SEPTIN7: variants seen among roughly 807,000 people sequenced by gnomAD.
SEPTIN7 encodes the protein septin 7.
In SEPTIN7, 10 loss-of-function variants were observed where a neutral mutation model predicts 63.3. That is an observed-to-expected ratio of 0.16 (90% CI 0.10 to 0.27). The LOEUF (loss-of-function observed/expected upper bound fraction) is 0.27. Among genes scored for constraint, SEPTIN7 ranks in the 10% least tolerant of loss-of-function variants. SEPTIN7 has a pLI of 1.00. For missense variants in SEPTIN7, 310 were observed against 521.0 expected (o/e 0.59, Z 3.94); for synonymous variants, 131 against 165.3 (o/e 0.79, Z 1.59).
chr7:35,809,944 G>T (rs1305976200), intron 1 of SEPTIN7, among the ~76,000 whole-genome samples: 1 of 152,170 alleles, frequency 6.6e-6, no homozygotes, highest in Non-Finnish European at 1.5e-5. Flanking sequence ...ACATGAGGGG[G>T]ATGGTTGTAA....
In SEPTIN7 at chr7:35,890,729, A is replaced by G. The variant is rs1583635101; in HGVS notation, c.934A>G (p.Arg312Gly). The G allele has an allele frequency of 1.9e-6, 3 of 1,601,318 alleles. No homozygotes were observed. Among genetic ancestry groups the G allele is most frequent in the Non-Finnish European group, 2.6e-6 (3 of 1,175,578 alleles). Reference protein sequence around the residue: ...NNVHYENYRSRKLAAVTYNGV... With the variant: ...NNVHYENYRSGKLAAVTYNGV... ...TGTCCACTATGAGAACTACAGAAGCAGAAAACTTGCAGCTGTGACTTATAA... is the reference window on the plus strand; with the variant it reads ...TGTCCACTATGAGAACTACAGAAGCGGAAAACTTGCAGCTGTGACTTATAA... The change falls in exon 11 of 14, where the codon AGA becomes GGA. Residue 312 changes from arginine to glycine, a missense_variant. Physicochemically the swap from Arg to Gly is moderately radical, Grantham distance 125. This residue lies in a region of SEPTIN7 where 255 missense variants were observed against 490.5 expected (regional missense o/e 0.52). Coordinates refer to ENST00000350320, the MANE Select transcript of SEPTIN7 (RefSeq NM_001788.6).
At chr7:35,805,754 T>G (rs1207167225) in intron 1 of SEPTIN7, among the ~76,000 whole-genome samples, 2 of 152,386 alleles carry the variant, frequency 1.3e-5, no homozygotes, top group East Asian at 3.8e-4. Flanking sequence ...ATTTGCATTT[T>G]ATTCAATGTT....
At chr7:35,886,495 A>G (rs1407958837) in intron 10 of SEPTIN7, among the ~76,000 whole-genome samples, 1 of 152,222 alleles carries the variant, frequency 6.6e-6, no homozygotes, top group Non-Finnish European at 1.5e-5. Context: ...TCATGAAGAA[A>G]AAGTGTAATA....
At chr7:35,801,046 G>A (rs562567782), upstream of SEPTIN7, 2 of 482,734 alleles carry the variant, frequency 4.1e-6, no homozygotes, top group East Asian at 7.1e-5. Flanking sequence ...GGGGACGGAG[G>A]AGGGAGCGGG....
intron 1 of SEPTIN7, among the ~76,000 whole-genome samples, chr7:35,827,871 A>G (rs1783599126): frequency 6.6e-6 from 1 of 152,190 alleles, no homozygotes; most frequent in Non-Finnish European, 1.5e-5. Context: ...GGACACTTCT[A>G]TACGAATTTT....
chr7:35,898,426 C>T (rs1477249765), intron 12 of SEPTIN7, 43 bp downstream of exon 12: 1 of 1,286,244 alleles, frequency 7.8e-7, no homozygotes, highest in Non-Finnish European at 1.1e-6. Flanking sequence ...CATTGTGTTC[C>T]TTTTTAAGTA....
At chr7:35,902,929 C>T in intron 12 of SEPTIN7, 147 bp from the exon 13 acceptor site, 1 of 1,216,170 alleles carries the variant, frequency 8.2e-7, no homozygotes, top group Non-Finnish European at 1.1e-6. Context: ...AGTCCTTGAC[C>T]AGAGTACTTC....
Position 35,905,004 on chromosome 7 carries a change from A to C in SEPTIN7, c.*711A>C, listed in dbSNP as rs765391313. On this transcript the variant is annotated 3_prime_UTR_variant, in exon 14 of 14. Coordinates refer to ENST00000350320, the MANE Select transcript of SEPTIN7 (RefSeq NM_001788.6). Reference sequence around the variant, plus strand: ...CATATATTGGCACTGCTAAAATAGAATATAGCATCTTTCATATGGTAGGAA... The same window carrying C: ...CATATATTGGCACTGCTAAAATAGACTATAGCATCTTTCATATGGTAGGAA... 1 of 152,660 alleles carries C rather than the reference A, an allele frequency of 6.6e-6. No homozygotes were observed. The highest frequency in any genetic ancestry group is 1.5e-5 in the Non-Finnish European group (1 of 68,034). The allele number at this position is 152,660 out of a possible 1,614,324, so 9.5% of individuals were successfully genotyped here.
At chr7:35,901,517 G>A (rs1266108315) in intron 12 of SEPTIN7, 16 of 152,076 alleles carry the variant, frequency 1.1e-4, no homozygotes, top group Non-Finnish European at 5.9e-5. Flanking sequence ...CGGTGTTGTC[G>A]TTTTAATAAC....
At chr7:35,838,467 T>C (rs1784245984) in intron 3 of SEPTIN7, 1 of 149,536 alleles carries the variant, frequency 6.7e-6, no homozygotes, top group South Asian at 2.2e-4. Flanking sequence ...CCTCCTGGGT[T>C]CAAGTCATCC....
At chr7:35,868,966 A>G (rs1016381885) in intron 4 of SEPTIN7, among the ~76,000 whole-genome samples, 2 of 152,198 alleles carry the variant, frequency 1.3e-5, no homozygotes, top group Non-Finnish European at 2.9e-5. Context: ...GCTTGGGAAG[A>G]GCCTACTGGG....
At chr7:35,860,896 G>T (rs1000434200) in intron 3 of SEPTIN7, among the ~76,000 whole-genome samples, 1 of 152,160 alleles carries the variant, frequency 6.6e-6, no homozygotes, top group African/African-American at 2.4e-5. Flanking sequence ...CCTTTGGGAA[G>T]TTTTTTCCTT....
At chr7:35,855,132 ATTT>A (rs558253128) in intron 3 of SEPTIN7, among the ~76,000 whole-genome samples, 1 of 151,708 alleles carries the variant, frequency 6.6e-6, no homozygotes, top group African/African-American at 2.4e-5. Context: ...TCCTACGTCA[ATTT>A]TTTTTGTGTG....
At chr7:35,801,396 G>C in intron 1 of SEPTIN7, 126 bp downstream of exon 1, 1 of 1,239,780 alleles carries the variant, frequency 8.1e-7, no homozygotes, top group Non-Finnish European at 1.1e-6. Flanking sequence ...AGGGGAGCCG[G>C]GATGGGGGCC....
intron 10 of SEPTIN7, among the ~76,000 whole-genome samples, chr7:35,887,618 A>T (rs1787341508): frequency 6.6e-6 from 1 of 152,208 alleles, no homozygotes; most frequent in Non-Finnish European, 1.5e-5. Context: ...CAGTGCTGGG[A>T]TTACGGGCTT....
intron 6 of SEPTIN7, 33 bp downstream of exon 6, chr7:35,873,808 G>T (rs1168924460): frequency 1.9e-6 from 3 of 1,599,310 alleles, no homozygotes; most frequent in Non-Finnish European, 2.6e-6. Context: ...TTCCTTTTTT[G>T]TTGTTGTTGC....
At chr7:35,900,173 C>T (rs1047531224) in intron 12 of SEPTIN7, 2 of 152,166 alleles carry the variant, frequency 1.3e-5, no homozygotes, top group African/African-American at 4.8e-5. Context: ...TAAATAATTT[C>T]GAGGAAATGT....
intron 1 of SEPTIN7, chr7:35,802,998 T>G (rs949930987): frequency 2.1e-5 from 4 of 186,838 alleles, no homozygotes; most frequent in Admixed American, 2.0e-4. Context: ...GAACCAGGTC[T>G]TCATAACACA....
intron 3 of SEPTIN7, among the ~76,000 whole-genome samples, chr7:35,834,924 A>AT (rs1784007001): frequency 6.6e-6 from 1 of 152,246 alleles, no homozygotes; most frequent in African/African-American, 2.4e-5. Flanking sequence ...ACGACAGTTC[A>AT]TTTACAACTT....
Sources: allele counts gnomAD v4.1 joint callset (sites outside exome capture counted in the v4.1 genomes callset), GRCh38; gene constraint gnomAD v4.1.1; regional missense constraint gnomAD v4.1.1; transcripts MANE v1.5; gene names NCBI Gene and HGNC (gene_info 2026-07-23, HGNC 2026-07-21).